NR2F1-AS1: variants seen among roughly 807,000 people sequenced by gnomAD.
NR2F1-AS1 encodes the protein NR2F1 antisense RNA 1.
At chr5:93,570,532 GC>G (rs1378413704) in intron 1 of NR2F1-AS1, 1 of 152,276 alleles carries the variant, frequency 6.6e-6, no homozygotes, top group Admixed American at 6.5e-5. Context: ...GGTCTGCTGT[GC>G]CGACCCGAGG....
intron 4 of NR2F1-AS1, among the ~76,000 whole-genome samples, chr5:93,412,422 G>A (rs950031324): frequency 3.9e-5 from 6 of 152,120 alleles, no homozygotes; most frequent in African/African-American, 9.7e-5. Context: ...CAGCACTACT[G>A]TAACCTTCAA....
At chr5:93,497,491 T>A (rs1488153093) in intron 4 of NR2F1-AS1, among the ~76,000 whole-genome samples, 2 of 152,166 alleles carry the variant, frequency 1.3e-5, no homozygotes, top group African/African-American at 4.8e-5. Context: ...AGGTCCTACT[T>A]TGGTAAATTC....
intron 4 of NR2F1-AS1, among the ~76,000 whole-genome samples, chr5:93,426,313 G>A (rs1044693476): frequency 3.3e-5 from 5 of 152,126 alleles, no homozygotes; most frequent in African/African-American, 1.2e-4. Flanking sequence ...CTCCCAAAGT[G>A]CTGGAATTAC....
At chr5:93,410,592 G>T (rs1162469078) in intron 4 of NR2F1-AS1, 1 of 152,178 alleles carries the variant, frequency 6.6e-6, no homozygotes, top group Non-Finnish European at 1.5e-5. Flanking sequence ...AATGCCTGAT[G>T]ATCTGAGGTG....
intron 1 of NR2F1-AS1, among the ~76,000 whole-genome samples, chr5:93,573,526 A>C (rs1338457165): frequency 1.3e-5 from 2 of 152,210 alleles, no homozygotes; most frequent in Non-Finnish European, 2.9e-5. Context: ...ACAAGGGGAC[A>C]TGGCCCTCAC....
At chr5:93,488,444 C>T (rs985946692) in intron 4 of NR2F1-AS1, among the ~76,000 whole-genome samples, 8 of 152,218 alleles carry the variant, frequency 5.3e-5, no homozygotes, top group African/African-American at 1.7e-4. Flanking sequence ...TATGAACAGA[C>T]ACTTCTTAAA....
rs1443511844 is a variant in NR2F1-AS1, at chr5:93,506,934, C to T, written n.638+46827G>A. 2.0e-5 allele frequency among the ~76,000 whole-genome samples: 3 copies of T among 152,108 alleles called. No homozygotes were observed. The East Asian group carries it at 5.8e-4, about 29-fold the overall frequency. On this transcript the variant is annotated intron_variant and non_coding_transcript_variant, in intron 4 of 5. Transcript: ENST00000660523. ...AATTAATGAATTTAATTGATTTAGT[C>T]AAGCAAAGTGTGTCCATCTATATCA...
upstream of NR2F1-AS1, chr5:93,584,252 C>T (rs1344303381): frequency 6.7e-6 from 1 of 149,132 alleles, no homozygotes; most frequent in Non-Finnish European, 1.5e-5. Flanking sequence ...CCGGCTCCTC[C>T]AGCGGCGCTC....
Position 93,474,144 on chromosome 5 carries a change from T to C in NR2F1-AS1, n.639-78602A>G, listed in dbSNP as rs146156059. Among the ~76,000 whole-genome samples, 321 of 152,332 alleles carry C rather than the reference T, an allele frequency of 2.1e-3. 2 individuals carry two copies. Among genetic ancestry groups the C allele is most frequent in the African/African-American group, 7.5e-3 (310 of 41,594 alleles). On this transcript the variant is annotated intron_variant and non_coding_transcript_variant, in intron 4 of 5. Transcript: ENST00000660523. ...ATCTCCTCTAATGTTTCAATAATTA[T>C]ATTTTTCAGGCACTTTGTATACAAA...
At chr5:93,539,272 C>T (rs1751900901) in intron 4 of NR2F1-AS1, among the ~76,000 whole-genome samples, 1 of 151,926 alleles carries the variant, frequency 6.6e-6, no homozygotes, top group Admixed American at 6.6e-5. Context: ...AGCAAGACTC[C>T]ATATCAAAAA....
chr5:93,479,044 T>C (rs1429900635), intron 4 of NR2F1-AS1, among the ~76,000 whole-genome samples: 2 of 152,152 alleles, frequency 1.3e-5, no homozygotes, highest in East Asian at 1.9e-4. Flanking sequence ...AGCTGAACAT[T>C]TGCAGTGTCT....
chr5:93,442,530 C>G (rs1358356119), intron 4 of NR2F1-AS1, among the ~76,000 whole-genome samples: 2 of 152,158 alleles, frequency 1.3e-5, no homozygotes, highest in African/African-American at 4.8e-5. Flanking sequence ...AGTAGGTAAA[C>G]AAAGTGGCTG....
At chr5:93,578,878 G>T (rs1472907591) in intron 1 of NR2F1-AS1, among the ~76,000 whole-genome samples, 1 of 152,208 alleles carries the variant, frequency 6.6e-6, no homozygotes, top group Non-Finnish European at 1.5e-5. Context: ...ATTATTTCCT[G>T]GTTGAGTGTG....
intron 4 of NR2F1-AS1, among the ~76,000 whole-genome samples, chr5:93,414,672 A>G (rs1304958878): frequency 6.6e-6 from 1 of 152,122 alleles, no homozygotes; most frequent in Non-Finnish European, 1.5e-5. Flanking sequence ...CTTAGGACCC[A>G]GTTTCCTTTC....
At chr5:93,585,539 C>T (rs954736874), upstream of NR2F1-AS1, 78 of 1,382,296 alleles carry the variant, frequency 5.6e-5, no homozygotes, top group Middle Eastern at 1.9e-4. Context: ...CTCCCTGGCT[C>T]TTTCTTTCTT....
At chr5:93,545,513 A>C (rs1420863177) in intron 4 of NR2F1-AS1, among the ~76,000 whole-genome samples, 1 of 152,240 alleles carries the variant, frequency 6.6e-6, no homozygotes, top group Non-Finnish European at 1.5e-5. Flanking sequence ...AACATCCACT[A>C]TCTCTAAGGC....
intron 4 of NR2F1-AS1, among the ~76,000 whole-genome samples, chr5:93,467,046 G>A (rs939857604): frequency 9.9e-5 from 15 of 151,860 alleles, no homozygotes; most frequent in African/African-American, 2.7e-4. Flanking sequence ...GATTACAGGC[G>A]CCTGCCACCA....
intron 4 of NR2F1-AS1, among the ~76,000 whole-genome samples, chr5:93,482,042 T>C (rs1030071435): frequency 2.1e-4 from 31 of 150,016 alleles, no homozygotes. Flanking sequence ...AAATAAATAA[T>C]AAAGATTAGA....
rs187902798 is a variant in NR2F1-AS1 at position 93,539,991 on chromosome 5, T to G, written n.638+13770A>C. On this transcript the variant is annotated intron_variant and non_coding_transcript_variant, in intron 4 of 5. Coordinates refer to ENST00000660523, the Ensembl canonical transcript of NR2F1-AS1. ...ACAACCTATGTGAATTAGCCCAAGA[T>G]AAGCCTACCATGTACAACAAAAAAG... Among the ~76,000 whole-genome samples the G allele has an allele frequency of 3.9e-5, 6 of 152,358 alleles. No homozygotes were observed. The East Asian group carries it at 1.2e-3, about 29-fold the overall frequency.
Sources: gnomAD v4.1 joint callset for allele counts (sites outside exome capture counted in the v4.1 genomes callset) on GRCh38, gnomAD v4.1.1 for gene constraint, MANE v1.5 for transcripts, NCBI Gene and HGNC (gene_info 2026-07-23, HGNC 2026-07-21) for gene names.